SLC2A8: variants seen among roughly 807,000 people sequenced by gnomAD.
SLC2A8 encodes solute carrier family 2, facilitated glucose transporter member 8.
In SLC2A8, 53 loss-of-function variants were observed where a neutral mutation model predicts 49.2. The ratio of observed to expected loss-of-function variants is 1.08; its 90% CI spans 0.86 to 1.35. The LOEUF is 1.35. SLC2A8 is among the 40% of genes most tolerant of loss of function. The pLI is 0.00. For missense variants in SLC2A8, 688 were observed against 671.7 expected, an observed-to-expected ratio of 1.02 and a Z score of -0.27; for synonymous variants, 299 against 297.0, an observed-to-expected ratio of 1.01 and a Z score of -0.07.
At chr9:127,403,363 T>G (rs1589009005) in intron 5 of SLC2A8, 1 of 458,760 alleles carries the variant, frequency 2.2e-6, no homozygotes. Context: ...CTGAGGCAGG[T>G]GCTGGATGTG....
At chr9:127,404,260 C>G in intron 7 of SLC2A8, 193 bp downstream of exon 7, 1 of 543,660 alleles carries the variant, frequency 1.8e-6, no homozygotes, top group Non-Finnish European at 3.3e-6. Context: ...TCCCACACCA[C>G]GCCTTTAACC....
In SLC2A8 at chr9:127,398,358, G is replaced by A. The variant is rs370984183; in HGVS notation, c.426+247G>A. ...AGGTGAAGTCCTTTGCCCAGGCGAG[G>A]TCCACAGCTAGTCAGAGGGGAAGCA... On this transcript the variant is annotated intron_variant, in intron 3 of 9. Transcript: ENST00000373371. 1.2e-4 allele frequency: 93 copies of A among 770,172 alleles called. 2 individuals carry two copies. Among genetic ancestry groups the A allele is most frequent in the African/African-American group, 1.1e-3 (66 of 58,978 alleles). 47.7% of individuals were successfully genotyped at this position (770,172 alleles called of 1,614,324 possible). A position where few individuals can be genotyped will look rare whatever the true frequency, so the allele number is the denominator to read the frequency against.
In SLC2A8 at chr9:127,398,007, G is replaced by A. The variant is rs766969970; in HGVS notation, c.322G>A (p.Val108Met). Residue 108 changes from valine (V) to methionine (M), a missense_variant, in exon 3 of 10, where the codon GTG (valine) becomes ATG (methionine). Physicochemically the swap from Val to Met is conservative, Grantham distance 21 (BLOSUM62 1). Transcript: ENST00000373371. The part of the protein sequence containing the change: ...LSLLLCSVPF[V>M]AGFAVITAAQ... ...CCTCTTGCTGTGCTCCGTGCCCTTC[G>A]TGGCCGGCTTTGCCGTCATCACCGC... 6.4e-7 allele frequency: 1 copy of A among 1,566,538 alleles called. No individual in the cohort carries two copies. The highest frequency in any genetic ancestry group is 1.2e-5 in the South Asian group (1 of 86,516).
In SLC2A8 at chr9:127,407,422, G is replaced by A; in HGVS notation, c.*173G>A. On this transcript the variant is annotated 3_prime_UTR_variant, in exon 10 of 10. Transcript: ENST00000373371. Reference sequence around the variant, plus strand: ...ATGACCCGGGGCTAGGAGGCTCACTGCCTCCTGTTCCAGCTCCTGCTGCTG... The same window carrying A: ...ATGACCCGGGGCTAGGAGGCTCACTACCTCCTGTTCCAGCTCCTGCTGCTG... 1 of 810,814 alleles carries A rather than the reference G, an allele frequency of 1.2e-6. No homozygotes were observed. 50.2% of individuals were successfully genotyped at this position (810,814 alleles called of 1,614,324 possible).
At chr9:127,404,477 C>CCCG in intron 7 of SLC2A8, 2 of 360,590 alleles carry the variant, frequency 5.5e-6, no homozygotes, top group African/African-American at 2.1e-5. Context: ...AGGTGATCCA[C>CCCG]GTGAGGCCTT....
intron 5 of SLC2A8, 132 bp from the exon 6 acceptor site, chr9:127,403,527 CA>C: frequency 9.7e-7 from 1 of 1,031,024 alleles, no homozygotes; most frequent in Non-Finnish European, 1.5e-6. Context: ...CCTGAGGACA[CA>C]GGGGGTGCTG....
intron 4 of SLC2A8, among the ~76,000 whole-genome samples, chr9:127,402,033 A>G (rs2131892081): frequency 6.6e-6 from 1 of 152,330 alleles, no homozygotes; most frequent in East Asian, 1.9e-4. Context: ...CTCTACTTTC[A>G]TGTATACTTT....
intron 9 of SLC2A8, among the ~76,000 whole-genome samples, chr9:127,406,656 T>A (rs1833502683): frequency 1.4e-5 from 1 of 71,914 alleles, no homozygotes; most frequent in Admixed American, 1.2e-4. Context: ...AGGTTCTGAC[T>A]GAAGGCCCCA....
Position 127,404,721 on chromosome 9 carries a change from G to A in SLC2A8, c.977-97G>A. 7 of 1,373,050 alleles carry A rather than the reference G, an allele frequency of 5.1e-6. No individual in the cohort carries two copies. In the South Asian group the frequency reaches 8.6e-5, roughly 17 times the overall value. 85.1% of individuals were successfully genotyped at this position (1,373,050 alleles called of 1,614,324 possible). ...GAACACCAAGCTGGCCGTTCTCTGG[G>A]AGCCGGGCCTGCCCCTCTCAGAGGC... On this transcript the variant is annotated intron_variant, in intron 7 of 9. Transcript: ENST00000373371.
intron 9 of SLC2A8, chr9:127,405,951 C>T (rs1459988565): frequency 1.9e-6 from 1 of 533,454 alleles, no homozygotes; most frequent in Non-Finnish European, 3.7e-6. Context: ...CTTCTCTGAG[C>T]CCGCTTCTTT....
chr9:127,397,868 C>T (rs1248572005), intron 2 of SLC2A8, 37 bp from the exon 3 acceptor site: 1 of 1,442,108 alleles, frequency 6.9e-7, no homozygotes, highest in Non-Finnish European at 9.1e-7. Context: ...TGGGCTGCGG[C>T]TTCGGCGCCC....
At chr9:127,397,792 C>G (rs1160782258) in intron 2 of SLC2A8, 113 bp from the exon 3 acceptor site, 5 of 1,204,590 alleles carry the variant, frequency 4.2e-6, no homozygotes, top group Non-Finnish European at 5.6e-6. Context: ...CCCCTCCCCT[C>G]GGGACGGGCG....
rs1833167205 is a variant in SLC2A8, at chr9:127,399,121, G to A, written c.427-786G>A. Among the ~76,000 whole-genome samples the A allele has an allele frequency of 6.6e-6, 1 of 152,188 alleles. No homozygotes were observed. On this transcript the variant is annotated intron_variant, in intron 3 of 9. Coordinates refer to ENST00000373371, the MANE Select transcript of SLC2A8 (RefSeq NM_014580.5). The surrounding 1 kb of genome is among the most constrained non-coding windows in gnomAD (Gnocchi z 4.2). The stretch of plus-strand genomic sequence containing the variant: ...GGCCTGTGGGCCCAGGAGGGAGCTA[G>A]TGGCAGCCACTGGTAGTGACCGAGG...
At position 127,405,962 on chromosome 9, in the gene SLC2A8, G is replaced by T. The variant is rs1589013354; in HGVS notation, c.1296+397G>T. 5 of 529,688 alleles carry T rather than the reference G, an allele frequency of 9.4e-6. No individual in the cohort carries two copies. In the East Asian group the frequency reaches 2.6e-4, roughly 28 times the overall value. The allele number at this position is 529,688 out of a possible 1,614,324, so 32.8% of individuals were successfully genotyped here. A position where few individuals can be genotyped will look rare whatever the true frequency, so the allele number is the denominator to read the frequency against. On this transcript the variant is annotated intron_variant, in intron 9 of 9. Transcript: ENST00000373371. Reference sequence around the variant, plus strand: ...TTACCTTCTCTGAGCCCGCTTCTTTGGCTGAAACTGGAGGAGAGTAACAGC... The same window carrying T: ...TTACCTTCTCTGAGCCCGCTTCTTTTGCTGAAACTGGAGGAGAGTAACAGC...
Position 127,397,498 on chromosome 9 carries a change from C to A in SLC2A8, c.179C>A (p.Pro60Gln). ...AIPSLQRAAP[P>Q]APRLDDAAAS... ...CCTAGCCTGCAGCGCGCCGCGCCCC[C>A]GGCCCCGCGCCTGGACGACGCCGCC... The change falls in exon 2 of 10, where the codon CCG (proline) becomes CAG (glutamine). Residue 60 changes from proline to glutamine, a missense_variant. By Grantham distance (76) the Pro-to-Gln change is moderately conservative. Transcript: ENST00000373371. 1 of 1,450,676 alleles carries A rather than the reference C, an allele frequency of 6.9e-7. No individual in the cohort carries two copies. Among genetic ancestry groups the A allele is most frequent in the Non-Finnish European group, 9.0e-7 (1 of 1,112,168 alleles). The allele number at this position is 1,450,676 out of a possible 1,614,324, so 89.9% of individuals were successfully genotyped here.
chr9:127,397,334 C>T, intron 1 of SLC2A8, 42 bp from the exon 2 acceptor site: 1 of 1,388,726 alleles, frequency 7.2e-7, no homozygotes, highest in East Asian at 3.1e-5. Context: ...CCCTCCCGCC[C>T]CTCCGCGTCC....
In SLC2A8 at chr9:127,407,624, G is replaced by A. The variant is rs535132692; in HGVS notation, c.*375G>A. ...GCTCCTCTCACGCGGCTGCCTTATC[G>A]GGAAGGAAATTTGTTTGCCAAATAA... On this transcript the variant is annotated 3_prime_UTR_variant, in exon 10 of 10. Coordinates refer to ENST00000373371, the MANE Select transcript of SLC2A8 (RefSeq NM_014580.5). 1.7e-5 allele frequency: 6 copies of A among 359,388 alleles called. No individual in the cohort carries two copies. Among genetic ancestry groups the A allele is most frequent in the East Asian group, 7.4e-5 (1 of 13,600 alleles). The allele number at this position is 359,388 out of a possible 1,614,324, so 22.3% of individuals were successfully genotyped here.
At chr9:127,397,637 G>A in intron 2 of SLC2A8, 99 bp downstream of exon 2, 1 of 1,340,842 alleles carries the variant, frequency 7.5e-7, no homozygotes, top group South Asian at 1.7e-5. Flanking sequence ...CCTCGGGACA[G>A]GCATCGGGCC....
At position 127,402,687 on chromosome 9, in the gene SLC2A8, G is replaced by C; in HGVS notation, c.657G>C (p.Met219Ile). ...CTCAGCACAGGCGCCAGGAGGCCAT[G>C]GCCGCCCTGCGGTTCCTGTGGGGCT... is the stretch of plus-strand genomic sequence containing the variant. Reference protein sequence around the residue: ...LLTQHRRQEAMAALRFLWGSE... With the variant: ...LLTQHRRQEAIAALRFLWGSE... Residue 219 changes from methionine to isoleucine, a missense_variant, in exon 5 of 10, where the codon ATG becomes ATC. Coordinates refer to ENST00000373371, the MANE Select transcript of SLC2A8 (RefSeq NM_014580.5). The C allele has an allele frequency of 6.4e-7, 1 of 1,570,354 alleles. No individual in the cohort carries two copies. The highest frequency in any genetic ancestry group is 1.9e-5 in the Admixed American group (1 of 53,568).
Sources: gnomAD v4.1 joint callset for allele counts (sites outside exome capture counted in the v4.1 genomes callset) on GRCh38, gnomAD v4.1.1 for gene constraint, Gnocchi (gnomAD v3.1) non-coding constraint, MANE v1.5 for transcripts, NCBI Gene and HGNC (gene_info 2026-07-23, HGNC 2026-07-21) for gene names.